The following ARHGAP26 variants were observed in gnomAD, a reference collection of about 807,000 sequenced individuals.
ARHGAP26 encodes the protein rho GTPase-activating protein 26.
A neutral mutation model predicts 104.8 loss-of-function variants in ARHGAP26; 38 were observed. The ratio of observed to expected loss-of-function variants is 0.36; its 90% confidence interval spans 0.28 to 0.48. The LOEUF is 0.48. Ranked by LOEUF, ARHGAP26 falls within the 20% of genes least tolerant of loss-of-function variation. The probability of loss-of-function intolerance (pLI) is 0.99; values close to 1 mark genes in which losing one functional copy is unlikely to be tolerated. For synonymous variants in ARHGAP26, 341 were observed against 340.0 expected (o/e 1.00, Z -0.03); for missense variants, 704 against 947.9 (o/e 0.74, Z 3.38).
intron 1 of ARHGAP26, among the ~76,000 whole-genome samples, chr5:142,847,231 A>G (rs1446766687): frequency 6.6e-6 from 1 of 152,202 alleles, no homozygotes; most frequent in Non-Finnish European, 1.5e-5. Flanking sequence ...GATCTCAATA[A>G]AAGGTGGCTA....
intron 8 of ARHGAP26, among the ~76,000 whole-genome samples, chr5:142,905,861 G>A (rs1761037507): frequency 6.6e-6 from 1 of 152,102 alleles, no homozygotes; most frequent in African/African-American, 2.4e-5. Context: ...TATTTAATCT[G>A]AACTACAGTC....
intron 8 of ARHGAP26, among the ~76,000 whole-genome samples, chr5:142,904,705 T>C (rs531866439): frequency 1.3e-5 from 2 of 152,302 alleles, no homozygotes; most frequent in East Asian, 1.9e-4. Flanking sequence ...TTAATTCGTG[T>C]ATGCAATGCT....
intron 12 of ARHGAP26, among the ~76,000 whole-genome samples, chr5:143,029,809 G>A (rs1003076899): frequency 4.6e-5 from 7 of 152,208 alleles, no homozygotes; most frequent in Middle Eastern, 3.4e-3. Flanking sequence ...AATCAAAGGA[G>A]AATTGACTAA....
At position 143,056,040 on chromosome 5, in the gene ARHGAP26, A is replaced by T. The variant is rs147578261; in HGVS notation, c.1386A>T (p.Gly462=). Reference sequence around the variant, plus strand: ...CCTTTTCCTCCAGAATGCTTCCAGGACCACTCATGATGTACCAGTTTCAAA... The same window carrying T: ...CCTTTTCCTCCAGAATGCTTCCAGGTCCACTCATGATGTACCAGTTTCAAA... ...ALKTYLRMLP[G]PLMMYQFQRS... The change falls in exon 16 of 23, where the codon GGA becomes GGT. Residue 462 remains glycine (G), a synonymous_variant. Transcript: ENST00000645722. 12 of 1,613,150 alleles carry T rather than the reference A, an allele frequency of 7.4e-6. No homozygotes were observed. The African/African-American group carries it at 1.3e-4, about 18-fold the overall frequency.
chr5:142,942,204 A>G (rs1766459045), intron 11 of ARHGAP26, among the ~76,000 whole-genome samples: 1 of 152,156 alleles, frequency 6.6e-6, no homozygotes, highest in South Asian at 2.1e-4. Flanking sequence ...ATCTTGACAC[A>G]TATTTACTTA....
chr5:142,935,769 C>G (rs1042423265), intron 11 of ARHGAP26, among the ~76,000 whole-genome samples: 12 of 152,256 alleles, frequency 7.9e-5, no homozygotes, highest in African/African-American at 1.2e-4. Flanking sequence ...GAGGTAGACA[C>G]TAGTCAAGAA....
chr5:143,185,392 A>G (rs186272862), intron 20 of ARHGAP26, among the ~76,000 whole-genome samples: 1 of 152,358 alleles, frequency 6.6e-6, no homozygotes. Flanking sequence ...TAGAAACAAC[A>G]AAGTTTCTTT....
chr5:143,204,807 T>TA (rs879698925), intron 20 of ARHGAP26, among the ~76,000 whole-genome samples: 45 of 146,542 alleles, frequency 3.1e-4, no homozygotes, highest in Middle Eastern at 3.6e-3. Context: ...TAAAGTCATT[T>TA]AAAAAAAAAA....
In ARHGAP26 at chr5:143,226,911, C is replaced by A. The variant is rs1472133958; in HGVS notation, c.*4465C>A. ...GAGCTGCAGAGTTGTGTGTGCCATA[C>A]CTGCGGCTCAAAGGGAAGGCCTTCT... On this transcript the variant is annotated 3_prime_UTR_variant, in exon 23 of 23. Transcript: ENST00000645722. The A allele has an allele frequency of 8.8e-6, 2 of 226,686 alleles. No individual in the cohort carries two copies. Among genetic ancestry groups the A allele is most frequent in the Non-Finnish European group, 1.8e-5 (2 of 114,090 alleles). 14.0% of individuals were successfully genotyped at this position (226,686 alleles called of 1,614,324 possible). A position where few individuals can be genotyped will look rare whatever the true frequency, so the allele number is the denominator to read the frequency against.
At position 143,222,453 on chromosome 5, in the gene ARHGAP26, G is replaced by A. The variant is rs1811332869; in HGVS notation, c.*7G>A. The A allele has an allele frequency of 6.3e-7, 1 of 1,585,576 alleles. No homozygotes were observed. Among genetic ancestry groups the A allele is most frequent in the Non-Finnish European group, 8.6e-7 (1 of 1,160,342 alleles). On this transcript the variant is annotated 3_prime_UTR_variant, in exon 23 of 23. Coordinates refer to ENST00000645722, the MANE Select transcript of ARHGAP26 (RefSeq NM_001135608.3). The stretch of plus-strand genomic sequence containing the variant: ...TTACGTGGAGTTCCTCTAACCGTGG[G>A]CCCCAGCAGAACTGCTGAGCTTTAC...
chr5:142,935,893 T>C (rs1765339129), intron 11 of ARHGAP26, among the ~76,000 whole-genome samples: 1 of 152,012 alleles, frequency 6.6e-6, no homozygotes, highest in Admixed American at 6.5e-5. Context: ...ACCGCTAACA[T>C]CATAATTAGG....
chr5:142,822,980 G>T (rs1379971995), intron 1 of ARHGAP26, among the ~76,000 whole-genome samples: 1 of 152,230 alleles, frequency 6.6e-6, no homozygotes. Context: ...ATTGAAATAT[G>T]AATGATGTTG....
intron 1 of ARHGAP26, among the ~76,000 whole-genome samples, chr5:142,858,092 T>TGAGAGA (rs1561963187): frequency 7.3e-6 from 1 of 137,506 alleles, no homozygotes; most frequent in African/African-American, 3.3e-5. Context: ...TGTGTGTGTG[T>TGAGAGA]GTGAGAGAGA....
chr5:142,959,134 G>C (rs928537218), intron 11 of ARHGAP26, among the ~76,000 whole-genome samples: 9 of 152,160 alleles, frequency 5.9e-5, no homozygotes, highest in Admixed American at 5.9e-4. Context: ...AGCACAGTCT[G>C]AACCCAGAGC....
chr5:143,110,772 C>G (rs1242887078), intron 17 of ARHGAP26, among the ~76,000 whole-genome samples: 4 of 152,210 alleles, frequency 2.6e-5, no homozygotes, highest in African/African-American at 9.7e-5. Flanking sequence ...GAAAGGCTTT[C>G]TGAGTCAGCT....
At chr5:142,914,723 G>T (rs984022800) in intron 10 of ARHGAP26, among the ~76,000 whole-genome samples, 1 of 152,104 alleles carries the variant, frequency 6.6e-6, no homozygotes, top group African/African-American at 2.4e-5. Context: ...GCTTGAACTG[G>T]GGTAGCAAAG....
chr5:142,896,361 G>C (rs1759480489), intron 6 of ARHGAP26, among the ~76,000 whole-genome samples: 1 of 152,060 alleles, frequency 6.6e-6, no homozygotes, highest in African/African-American at 2.4e-5. Flanking sequence ...CTTTTTTGAG[G>C]TGAGTGTTTT....
chr5:143,163,741 A>G (rs918447189), intron 20 of ARHGAP26, among the ~76,000 whole-genome samples: 3 of 151,972 alleles, frequency 2.0e-5, no homozygotes, highest in South Asian at 4.2e-4. Flanking sequence ...ATGAGCCACC[A>G]TGCCTGGCCA....
At chr5:143,013,024 T>C (rs1779108739) in intron 11 of ARHGAP26, among the ~76,000 whole-genome samples, 1 of 152,048 alleles carries the variant, frequency 6.6e-6, no homozygotes, top group Non-Finnish European at 1.5e-5. Flanking sequence ...ATGGGCAAAC[T>C]GTGATCCAAA....
Sources: allele counts gnomAD v4.1 joint callset (sites outside exome capture counted in the v4.1 genomes callset), GRCh38; gene constraint gnomAD v4.1.1; transcripts MANE v1.5; gene names NCBI Gene and HGNC (gene_info 2026-07-23, HGNC 2026-07-21).